The following MYT1L variants were observed in gnomAD, a reference collection of about 807,000 sequenced individuals.
MYT1L encodes myelin transcription factor 1 like.
Under a neutral mutation model 126.7 loss-of-function variants are expected in MYT1L, and 12 were observed. The observed-to-expected ratio is 0.09, with a 90% CI of 0.06 to 0.15. The LOEUF (loss-of-function observed/expected upper bound fraction) is 0.15. Among genes scored for constraint, MYT1L ranks in the 10% least tolerant of loss-of-function variants. The pLI is 1.00. For missense variants in MYT1L, 979 were observed against 1,585.2 expected (o/e 0.62, Z 6.49); for synonymous variants, 541 against 604.2 (o/e 0.90, Z 1.53).
intron 23 of MYT1L, among the ~76,000 whole-genome samples, chr2:1,797,430 C>T (rs1050777020): frequency 6.6e-6 from 1 of 152,170 alleles, no homozygotes; most frequent in African/African-American, 2.4e-5. Context: ...CCGTGTTAGC[C>T]AGGATGGTCT....
rs2032816009 is a variant in MYT1L, at chr2:1,793,950, G to A, written c.3277-1486C>T. ...GAGCGTTCTGTAGCCCTTCCTGGGTGGCCACGTGCCTGCACTCACAGCTGG... is the reference window on the plus strand; with the variant it reads ...GAGCGTTCTGTAGCCCTTCCTGGGTAGCCACGTGCCTGCACTCACAGCTGG... On this transcript the variant is annotated intron_variant, in intron 23 of 24. Coordinates refer to ENST00000647738, the MANE Select transcript of MYT1L (RefSeq NM_001303052.2). The surrounding 1 kb of genome is among the most constrained non-coding windows in gnomAD (Gnocchi z 4.6). 6.6e-6 allele frequency among the ~76,000 whole-genome samples: 1 copy of A among 152,180 alleles called. No homozygotes were observed. The highest frequency in any genetic ancestry group is 1.5e-5 in the Non-Finnish European group (1 of 68,036).
At chr2:1,976,383 T>C (rs1174425608) in intron 8 of MYT1L, among the ~76,000 whole-genome samples, 1 of 152,210 alleles carries the variant, frequency 6.6e-6, no homozygotes, top group Non-Finnish European at 1.5e-5. Context: ...GGCTCACGCC[T>C]ATAATCCCAG....
In MYT1L at chr2:1,979,480, A is replaced by T; in HGVS notation, c.89+41T>A. 1 of 1,602,144 alleles carries T rather than the reference A, an allele frequency of 6.2e-7. No homozygotes were observed. The highest frequency in any genetic ancestry group is 1.7e-4 in the Middle Eastern group (1 of 6,040). ...GCCCATTAGAAGGCGTGAATTTTCC[A>T]AACTGTTAATGGGGATGCATTTTAC... On this transcript the variant is annotated intron_variant, in intron 7 of 24. Transcript: ENST00000647738. This position sits in a 1 kb window ranked among gnomAD's most constrained non-coding sequence, Gnocchi z 4.0.
intron 4 of MYT1L, among the ~76,000 whole-genome samples, chr2:2,039,790 G>T (rs995219840): frequency 2.0e-5 from 3 of 152,154 alleles, no homozygotes; most frequent in African/African-American, 4.8e-5. Context: ...TTTACTCAGC[G>T]GAGTGTGACT....
chr2:2,319,441 TA>T (rs1176582463), intron 1 of MYT1L: 1 of 152,154 alleles, frequency 6.6e-6, no homozygotes, highest in Non-Finnish European at 1.5e-5. Context: ...AGGGAACGTG[TA>T]CTTAGAAACC....
chr2:2,134,973 C>T (rs528667599), intron 3 of MYT1L, among the ~76,000 whole-genome samples: 1 of 152,336 alleles, frequency 6.6e-6, no homozygotes, highest in East Asian at 1.9e-4. Context: ...AGTCTCCCCA[C>T]ATTCCATTCT....
At chr2:1,899,515 C>T (rs1187082071) in intron 14 of MYT1L, among the ~76,000 whole-genome samples, 1 of 152,208 alleles carries the variant, frequency 6.6e-6, no homozygotes, top group Non-Finnish European at 1.5e-5. Flanking sequence ...TCCCCTCAGC[C>T]CCTCTGTCAG....
chr2:2,323,531 A>G (rs1347341478), intron 1 of MYT1L, among the ~76,000 whole-genome samples: 1 of 152,214 alleles, frequency 6.6e-6, no homozygotes, highest in Non-Finnish European at 1.5e-5. Context: ...GTGAATTCCT[A>G]CCATGGAAGT....
intron 15 of MYT1L, among the ~76,000 whole-genome samples, chr2:1,890,589 G>C (rs1397027620): frequency 6.6e-6 from 1 of 151,782 alleles, no homozygotes. Flanking sequence ...CAATAATTCT[G>C]CAGCACTTGC....
intron 3 of MYT1L, among the ~76,000 whole-genome samples, chr2:2,136,793 C>G (rs553632286): frequency 6.6e-6 from 1 of 152,144 alleles, no homozygotes; most frequent in Non-Finnish European, 1.5e-5. Context: ...CAGGGATGCC[C>G]TCTCTCACCA....
intron 22 of MYT1L, among the ~76,000 whole-genome samples, chr2:1,802,379 A>C (rs2035014881): frequency 6.6e-6 from 1 of 152,174 alleles, no homozygotes. Context: ...AAGCTGTGGG[A>C]AGTGGGAGAG....
chr2:1,987,488 A>G (rs1160808949), intron 5 of MYT1L, among the ~76,000 whole-genome samples: 1 of 152,112 alleles, frequency 6.6e-6, no homozygotes, highest in Non-Finnish European at 1.5e-5. Flanking sequence ...TGGGAGGGGC[A>G]TGTGCTACCC....
At chr2:1,978,650 A>G (rs1469021729) in intron 8 of MYT1L, among the ~76,000 whole-genome samples, 2 of 152,198 alleles carry the variant, frequency 1.3e-5, no homozygotes, top group Non-Finnish European at 2.9e-5. Context: ...CAAGCTTGAT[A>G]TGCCCTGACC....
At chr2:2,310,140 T>G (rs1278619882) in intron 1 of MYT1L, among the ~76,000 whole-genome samples, 4 of 143,770 alleles carry the variant, frequency 2.8e-5, no homozygotes, top group Non-Finnish European at 4.6e-5. Context: ...ACACTTCAGT[T>G]TACTTTATCT....
At chr2:2,050,600 G>C (rs2150079045) in intron 4 of MYT1L, among the ~76,000 whole-genome samples, 1 of 152,226 alleles carries the variant, frequency 6.6e-6, no homozygotes, top group Admixed American at 6.5e-5. Context: ...TCTAAATCTT[G>C]TTCTATGGCA....
At chr2:2,209,665 G>A (rs1165176837) in intron 2 of MYT1L, among the ~76,000 whole-genome samples, 1 of 152,062 alleles carries the variant, frequency 6.6e-6, no homozygotes, top group Non-Finnish European at 1.5e-5. Context: ...GTATGCATAT[G>A]TATGCCACAT....
At chr2:2,057,571 C>T (rs759602456) in intron 3 of MYT1L, among the ~76,000 whole-genome samples, 11 of 152,218 alleles carry the variant, frequency 7.2e-5, no homozygotes, top group Non-Finnish European at 1.5e-4. Flanking sequence ...CAGCCTCTTT[C>T]CTTTCAGAGC....
intron 22 of MYT1L, 92 bp downstream of exon 22, chr2:1,808,984 A>C: frequency 9.0e-7 from 1 of 1,105,874 alleles, no homozygotes; most frequent in East Asian, 2.4e-5. Flanking sequence ...AAGAAAAGTG[A>C]GCTGTAACTG....
chr2:1,951,349 G>A (rs750698073), intron 8 of MYT1L, among the ~76,000 whole-genome samples: 6 of 152,002 alleles, frequency 3.9e-5, no homozygotes, highest in Non-Finnish European at 8.8e-5. Flanking sequence ...GCCAGCAGAG[G>A]GGACAGAGAT....
Sources: gnomAD v4.1 joint callset for allele counts (sites outside exome capture counted in the v4.1 genomes callset) on GRCh38, gnomAD v4.1.1 for gene constraint, Gnocchi (gnomAD v3.1) non-coding constraint, MANE v1.5 for transcripts, NCBI Gene and HGNC (gene_info 2026-07-23, HGNC 2026-07-21) for gene names.